Variants in ZFPM2 observed in about 807,000 individuals in gnomAD.
ZFPM2 encodes the protein zinc finger protein ZFPM2.
A neutral mutation model predicts 98.6 loss-of-function variants in ZFPM2; 20 were observed. The observed-to-expected ratio is 0.20, with a 90% confidence interval of 0.14 to 0.29. The LOEUF (loss-of-function observed/expected upper bound fraction) is 0.29. ZFPM2 is among the 10% of genes least tolerant of loss of function. The pLI is 1.00. For synonymous variants in ZFPM2, 518 were observed against 502.7 expected, an observed-to-expected ratio of 1.03 and a Z score of -0.41; for missense variants, 1,310 against 1,388.6, an observed-to-expected ratio of 0.94 and a Z score of 0.90.
chr8:105,489,460 ATATATAT>A (rs1316343594), intron 3 of ZFPM2, among the ~76,000 whole-genome samples: 3 of 71,506 alleles, frequency 4.2e-5, no homozygotes, highest in South Asian at 4.6e-4. Flanking sequence ...ATATATATAT[ATATATAT>A]TTTTTTTTTT....
At chr8:105,678,851 A>G (rs980521847) in intron 5 of ZFPM2, 3 of 152,196 alleles carry the variant, frequency 2.0e-5, no homozygotes, top group Non-Finnish European at 2.9e-5. Context: ...AATGCAGCAT[A>G]ATAGAATAGA....
chr8:105,414,222 A>G (rs998471173), intron 1 of ZFPM2, among the ~76,000 whole-genome samples: 3 of 152,022 alleles, frequency 2.0e-5, no homozygotes, highest in Admixed American at 2.0e-4. Flanking sequence ...AATGCCAATA[A>G]CTGTTTAAGA....
intron 1 of ZFPM2, among the ~76,000 whole-genome samples, chr8:105,380,601 TTA>T (rs71926432): frequency 0.081 from 3,146 of 39,004 alleles, 113 homozygotes; most frequent in Middle Eastern, 0.1. Context: ...TATATATATA[TTA>T]TATATATATA....
chr8:105,621,162 G>T (rs946906915), intron 4 of ZFPM2, among the ~76,000 whole-genome samples: 1 of 152,148 alleles, frequency 6.6e-6, no homozygotes, highest in Non-Finnish European at 1.5e-5. Flanking sequence ...CAATCCATGA[G>T]CATGGAATGT....
intron 3 of ZFPM2, among the ~76,000 whole-genome samples, chr8:105,517,867 A>G (rs1268710517): frequency 6.6e-6 from 1 of 152,100 alleles, no homozygotes; most frequent in Non-Finnish European, 1.5e-5. Context: ...AACCATGTTC[A>G]TGCCACTGCA....
intron 3 of ZFPM2, among the ~76,000 whole-genome samples, chr8:105,519,873 A>G (rs1670620245): frequency 6.6e-6 from 1 of 151,798 alleles, no homozygotes; most frequent in Non-Finnish European, 1.5e-5. Context: ...TGATTAACCT[A>G]TTGTCTTGCA....
chr8:105,546,225 A>T (rs1265025910), intron 3 of ZFPM2, among the ~76,000 whole-genome samples: 3 of 152,132 alleles, frequency 2.0e-5, no homozygotes, highest in Admixed American at 2.0e-4. Context: ...TGCATGTTGA[A>T]CGAGACTAGT....
At chr8:105,363,260 T>C (rs1208595883) in intron 1 of ZFPM2, among the ~76,000 whole-genome samples, 1 of 152,210 alleles carries the variant, frequency 6.6e-6, no homozygotes, top group Non-Finnish European at 1.5e-5. Context: ...CTCTGTGGCT[T>C]GCTAAATATA....
At chr8:105,322,462 T>C (rs1031418053) in intron 1 of ZFPM2, among the ~76,000 whole-genome samples, 6 of 151,886 alleles carry the variant, frequency 4.0e-5, no homozygotes, top group Admixed American at 6.6e-5. Context: ...TTTTTTTTTT[T>C]TTTTTTGCAA....
rs549592245 is a variant in ZFPM2, at chr8:105,664,360, T to TGTGA, written c.532+30004_532+30005insTGAG. 5.7e-3 allele frequency among the ~76,000 whole-genome samples: 830 copies of TGTGA among 144,546 alleles called. 12 individuals are homozygous for TGTGA. Among genetic ancestry groups the TGTGA allele is most frequent in the African/African-American group, 0.018 (732 of 39,842 alleles). 94.8% of individuals were successfully genotyped at this position (144,546 alleles called of 152,430 possible). A position where few individuals can be genotyped will look rare whatever the true frequency, so the allele number is the denominator to read the frequency against. ...GTGTGTGTGTGTGTGTGTGTGTGTG[T>TGTGA]GACAGAGTTTCGTTCTTGTTGCCCA... On this transcript the variant is annotated intron_variant, in intron 5 of 7. Coordinates refer to ENST00000407775, the MANE Select transcript of ZFPM2 (RefSeq NM_012082.4).
chr8:105,596,598 T>C (rs1387521298), intron 4 of ZFPM2, among the ~76,000 whole-genome samples: 1 of 152,018 alleles, frequency 6.6e-6, no homozygotes, highest in African/African-American at 2.4e-5. Context: ...GATCTAAAGC[T>C]TCTTTTGTGT....
intron 4 of ZFPM2, among the ~76,000 whole-genome samples, chr8:105,632,369 T>A (rs1362487668): frequency 2.0e-5 from 3 of 152,042 alleles, no homozygotes; most frequent in African/African-American, 7.2e-5. Context: ...GGGATTTCAC[T>A]ATGTTGGCCA....
At chr8:105,641,354 A>G (rs1354813575) in intron 5 of ZFPM2, among the ~76,000 whole-genome samples, 1 of 152,004 alleles carries the variant, frequency 6.6e-6, no homozygotes, top group Non-Finnish European at 1.5e-5. Context: ...CCGAAAACCC[A>G]TGTTTCATGA....
At chr8:105,336,455 T>C (rs1812326324) in intron 1 of ZFPM2, among the ~76,000 whole-genome samples, 1 of 151,776 alleles carries the variant, frequency 6.6e-6, no homozygotes, top group Non-Finnish European at 1.5e-5. Context: ...GTCTTTGGTT[T>C]GCATGTTTTA....
intron 5 of ZFPM2, among the ~76,000 whole-genome samples, chr8:105,682,870 A>G (rs1329443107): frequency 6.6e-6 from 1 of 152,162 alleles, no homozygotes; most frequent in Non-Finnish European, 1.5e-5. Context: ...GAGTCAGTTC[A>G]GTTCAATCAC....
intron 5 of ZFPM2, among the ~76,000 whole-genome samples, chr8:105,725,764 A>G (rs925465119): frequency 3.3e-5 from 5 of 151,692 alleles, no homozygotes; most frequent in Non-Finnish European, 7.4e-5. Flanking sequence ...CATAGATGGT[A>G]TCTCAGTCTC....
chr8:105,722,772 T>C (rs956106018), intron 5 of ZFPM2, among the ~76,000 whole-genome samples: 3 of 151,642 alleles, frequency 2.0e-5, no homozygotes, highest in African/African-American at 7.3e-5. Context: ...GAGGTGGAGG[T>C]GAAATGGGAG....
chr8:105,709,399 G>GT (rs1811330015), intron 5 of ZFPM2, among the ~76,000 whole-genome samples: 1 of 152,124 alleles, frequency 6.6e-6, no homozygotes, highest in African/African-American at 2.4e-5. Flanking sequence ...TGTTCTTGAT[G>GT]TTTTCTTTTT....
At chr8:105,499,050 A>G (rs1191870511) in intron 3 of ZFPM2, among the ~76,000 whole-genome samples, 2 of 152,158 alleles carry the variant, frequency 1.3e-5, no homozygotes, top group Non-Finnish European at 2.9e-5. Flanking sequence ...AACTCCAGGA[A>G]ACATTTAAAA....
Sources: allele counts gnomAD v4.1 joint callset (sites outside exome capture counted in the v4.1 genomes callset), GRCh38; gene constraint gnomAD v4.1.1; transcripts MANE v1.5; gene names NCBI Gene and HGNC (gene_info 2026-07-23, HGNC 2026-07-21).